PPP1R9A: variants seen among roughly 807,000 people sequenced by gnomAD.
The protein encoded by PPP1R9A is neurabin-1.
A neutral mutation model predicts 141.9 loss-of-function variants in PPP1R9A; 59 were observed. The ratio of observed to expected loss-of-function variants is 0.42; its 90% CI spans 0.34 to 0.52. PPP1R9A has a LOEUF of 0.52. Ranked by LOEUF, PPP1R9A falls within the 20% of genes least tolerant of loss-of-function variation. The probability of loss-of-function intolerance (pLI) is 0.10; values close to 1 mark genes in which losing one functional copy is unlikely to be tolerated. For synonymous variants in PPP1R9A, 500 were observed against 569.7 expected (o/e 0.88, Z 1.74); for missense variants, 1,444 against 1,611.9 (o/e 0.90, Z 1.78).
At chr7:95,289,276 A>G (rs2116039546) in intron 19 of PPP1R9A, among the ~76,000 whole-genome samples, 1 of 152,264 alleles carries the variant, frequency 6.6e-6, no homozygotes, top group East Asian at 1.9e-4. Context: ...TGGGAAAGGG[A>G]AAAAGGTGCT....
chr7:95,108,344 C>T (rs1403719719), intron 2 of PPP1R9A, among the ~76,000 whole-genome samples: 4 of 99,242 alleles, frequency 4.0e-5, no homozygotes, highest in Non-Finnish European at 5.5e-5. Context: ...GAGACAGTCT[C>T]GCTCTGTCAC....
chr7:95,097,292 C>T (rs1818173134), intron 2 of PPP1R9A, among the ~76,000 whole-genome samples: 1 of 152,168 alleles, frequency 6.6e-6, no homozygotes, highest in South Asian at 2.1e-4. Flanking sequence ...TCCCAAATTG[C>T]TGTGATTACA....
intron 5 of PPP1R9A, among the ~76,000 whole-genome samples, chr7:95,189,433 CTTTTTTT>C (rs1195484637): frequency 2.6e-5 from 3 of 116,232 alleles, no homozygotes; most frequent in Non-Finnish European, 5.2e-5. Context: ...TTTGTTTATT[CTTTTTTT>C]TTTTTTTTTT....
intron 8 of PPP1R9A, among the ~76,000 whole-genome samples, chr7:95,229,490 T>A (rs1409099028): frequency 6.6e-6 from 1 of 151,960 alleles, no homozygotes; most frequent in African/African-American, 2.4e-5. Flanking sequence ...GGCCTATGAC[T>A]TCCGGCTTTC....
At chr7:95,064,476 A>T (rs1016287290) in intron 2 of PPP1R9A, among the ~76,000 whole-genome samples, 1 of 152,222 alleles carries the variant, frequency 6.6e-6, no homozygotes, top group East Asian at 1.9e-4. Flanking sequence ...AAAATCACCA[A>T]CAAAAAGCAC....
chr7:95,071,987 G>A (rs1813877319), intron 2 of PPP1R9A, among the ~76,000 whole-genome samples: 2 of 151,260 alleles, frequency 1.3e-5, no homozygotes, highest in Admixed American at 1.3e-4. Context: ...ATTAAATATT[G>A]TTCTGTGGTA....
chr7:95,079,641 G>C (rs2152271904), intron 2 of PPP1R9A, among the ~76,000 whole-genome samples: 1 of 152,136 alleles, frequency 6.6e-6, no homozygotes, highest in Non-Finnish European at 1.5e-5. Context: ...AACCAAAAAA[G>C]AGAATTTTAG....
In PPP1R9A at chr7:95,143,044, A is replaced by G. The variant is rs554141039; in HGVS notation, c.1650-18823A>G. Among the ~76,000 whole-genome samples the G allele has an allele frequency of 3.9e-5, 6 of 152,248 alleles. 1 individual carries two copies. Among genetic ancestry groups the G allele is most frequent in the African/African-American group, 1.4e-4 (6 of 41,556 alleles). On this transcript the variant is annotated intron_variant, in intron 4 of 19. Transcript: ENST00000433360. ...CTTCTCAGCTGTGAAATATCCTTGA[A>G]TATCCCAAGGAATTCTCTGAAGATT...
chr7:95,273,452 C>T (rs865943018), intron 14 of PPP1R9A, among the ~76,000 whole-genome samples: 54 of 152,222 alleles, frequency 3.5e-4, no homozygotes, highest in Admixed American at 3.3e-4. Flanking sequence ...TGATATTCTG[C>T]GCTGGGCTTT....
intron 2 of PPP1R9A, among the ~76,000 whole-genome samples, chr7:94,917,574 A>ATTT: frequency 7.1e-6 from 1 of 140,208 alleles, no homozygotes; most frequent in African/African-American, 2.6e-5. Context: ...GCCTGTTATT[A>ATTT]TTTTTTTTTT....
intron 2 of PPP1R9A, among the ~76,000 whole-genome samples, chr7:95,017,497 C>T (rs763880950): frequency 2.1e-4 from 32 of 151,894 alleles, no homozygotes; most frequent in Non-Finnish European, 4.1e-4. Context: ...TATAATAGCA[C>T]CAAAAATCAT....
At chr7:95,084,890 C>G (rs955435070) in intron 2 of PPP1R9A, among the ~76,000 whole-genome samples, 1 of 151,850 alleles carries the variant, frequency 6.6e-6, no homozygotes, top group Non-Finnish European at 1.5e-5. Flanking sequence ...TCCTTGTGCA[C>G]GTTTACATAG....
At chr7:95,117,317 G>A (rs1194023901) in intron 3 of PPP1R9A, among the ~76,000 whole-genome samples, 1 of 152,118 alleles carries the variant, frequency 6.6e-6, no homozygotes, top group Non-Finnish European at 1.5e-5. Flanking sequence ...CTTTAAGGAT[G>A]AGGTTCCAGA....
chr7:95,225,922 G>T, intron 7 of PPP1R9A, 39 bp from the exon 8 acceptor site: 7 of 1,564,990 alleles, frequency 4.5e-6, no homozygotes, highest in Non-Finnish European at 6.1e-6. Flanking sequence ...TCCACCTGGG[G>T]TAAGGACAGC....
intron 2 of PPP1R9A, among the ~76,000 whole-genome samples, chr7:95,091,822 A>G (rs1185249332): frequency 7.2e-6 from 1 of 138,324 alleles, no homozygotes; most frequent in Non-Finnish European, 1.6e-5. Flanking sequence ...GTGCGTTAAT[A>G]ATGCTTTTTT....
intron 18 of PPP1R9A, 41 bp from the exon 19 acceptor site, chr7:95,288,495 T>C: frequency 6.2e-7 from 1 of 1,601,128 alleles, no homozygotes; most frequent in Non-Finnish European, 8.5e-7. Context: ...AGCCATAGTA[T>C]CTTGGTCCTT....
At chr7:94,937,816 T>C (rs1205521940) in intron 2 of PPP1R9A, among the ~76,000 whole-genome samples, 1 of 152,152 alleles carries the variant, frequency 6.6e-6, no homozygotes, top group Non-Finnish European at 1.5e-5. Flanking sequence ...TTATGGGAGA[T>C]CCAGTTTTTT....
At chr7:95,130,520 C>T (rs1222391889) in intron 4 of PPP1R9A, among the ~76,000 whole-genome samples, 1 of 152,150 alleles carries the variant, frequency 6.6e-6, no homozygotes, top group Non-Finnish European at 1.5e-5. Context: ...ACACAGAATT[C>T]CTACTGGGGC....
intron 7 of PPP1R9A, among the ~76,000 whole-genome samples, chr7:95,220,470 A>G (rs573673514): frequency 1.3e-5 from 2 of 152,212 alleles, no homozygotes; most frequent in South Asian, 2.1e-4. Flanking sequence ...GAACCTAACA[A>G]CAAGAGAAAA....
Sources: allele counts gnomAD v4.1 joint callset (sites outside exome capture counted in the v4.1 genomes callset), GRCh38; gene constraint gnomAD v4.1.1; transcripts MANE v1.5; gene names NCBI Gene and HGNC (gene_info 2026-07-23, HGNC 2026-07-21).